Variants in OVCH2 observed in about 807,000 individuals in gnomAD.
OVCH2 encodes the protein ovochymase-2.
A neutral mutation model predicts 73.7 loss-of-function variants in OVCH2; 88 were observed. That is an observed-to-expected ratio of 1.19 (90% CI 1.01 to 1.43). The LOEUF (loss-of-function observed/expected upper bound fraction) is 1.43, where lower values mean the gene tolerates loss of function less well. Ranked by LOEUF, OVCH2 falls within the 40% of genes most tolerant of loss-of-function variation. The pLI, the probability that OVCH2 is intolerant of heterozygous loss-of-function variation, is 0.00. For missense variants in OVCH2, 706 were observed against 674.5 expected (o/e 1.05, Z -0.52); for synonymous variants, 265 against 234.5 (o/e 1.13, Z -1.19).
At chr11:7,691,203 G>T in intron 14 of OVCH2, 66 bp downstream of exon 14, 1 of 1,527,430 alleles carries the variant, frequency 6.5e-7, no homozygotes, top group South Asian at 1.2e-5. Context: ...GGGCTCTAAA[G>T]ACCTCTAATT....
chr11:7,704,644 AC>A lies in OVCH2; in HGVS notation c.118del (p.Val40TyrfsTer30). 1 of 1,612,536 alleles carries A rather than the reference AC, an allele frequency of 6.2e-7. No homozygotes were observed. Among genetic ancestry groups the A allele is most frequent in the Non-Finnish European group, 8.5e-7 (1 of 1,179,246 alleles). On this transcript the variant is annotated frameshift_variant, in exon 2 of 16. Coordinates refer to ENST00000533663, the MANE Select transcript of OVCH2 (RefSeq NM_198185.7). LOFTEE classifies it high-confidence loss of function. ...AATGTTAAAATAATTCCAAGGCTGT[AC>A]CTTAACCAGACTCTGCCCACAACTG... ...APSCGQSLVK[V>X]QPWNYFNIFS...
intron 3 of OVCH2, 105 bp from the exon 4 acceptor site, chr11:7,702,434 G>A (rs1856462132): frequency 1.2e-6 from 1 of 853,688 alleles, no homozygotes; most frequent in Non-Finnish European, 1.7e-6. Flanking sequence ...TAAATAATAT[G>A]GGGTGTGAGG....
chr11:7,684,704 G>A (rs1856124822), downstream of OVCH2, among the ~76,000 whole-genome samples: 1 of 152,114 alleles, frequency 6.6e-6, no homozygotes, highest in African/African-American at 2.4e-5. Context: ...GGCAGTCTCA[G>A]TTTTAGTCTA....
At chr11:7,698,687 A>T (rs1331449040) in intron 8 of OVCH2, 63 bp downstream of exon 8, 5 of 1,546,286 alleles carry the variant, frequency 3.2e-6, no homozygotes, top group Non-Finnish European at 4.4e-6. Context: ...TCAGGAACTG[A>T]TATTCAGAAA....
chr11:7,704,685 A>G lies in OVCH2; in HGVS notation c.89-11T>C. ...GCCCACAACTGGGAGCTGAGAAAAA[A>G]ACGAGACAAACTAAATGATTAGATA... is the stretch of plus-strand genomic sequence containing the variant. On this transcript the variant is annotated splice_polypyrimidine_tract_variant and intron_variant, in intron 1 of 15. Coordinates refer to ENST00000533663, the MANE Select transcript of OVCH2 (RefSeq NM_198185.7). 1 of 1,551,884 alleles carries G rather than the reference A, an allele frequency of 6.4e-7. No individual in the cohort carries two copies. Among genetic ancestry groups the G allele is most frequent in the Non-Finnish European group, 8.9e-7 (1 of 1,128,118 alleles).
Position 7,700,449 on chromosome 11 carries a change from T to A in OVCH2, c.748A>T (p.Lys250Ter). ...ACACCAGCCAGAGTCCAGGCCCCTT[T>A]CTTATTCCGGCACATGAGTGAACCT... ...SGGSLMCRNKKGAWTLAGVTS... is the reference protein window; with the variant it reads ...SGGSLMCRNK Residue 250 changes from lysine (K) to a stop codon, truncating the protein, a stop_gained, in exon 7 of 16, where the codon AAA becomes TAA. Coordinates refer to ENST00000533663, the MANE Select transcript of OVCH2 (RefSeq NM_198185.7). LOFTEE classifies it high-confidence loss of function. The A allele has an allele frequency of 6.2e-7, 1 of 1,610,626 alleles. No individual in the cohort carries two copies. Among genetic ancestry groups the A allele is most frequent in the South Asian group, 1.1e-5 (1 of 90,232 alleles).
chr11:7,699,526 C>G (rs1448437229), intron 7 of OVCH2: 1 of 152,176 alleles, frequency 6.6e-6, no homozygotes, highest in African/African-American at 2.4e-5. Context: ...AGTTGTTACA[C>G]TGTATTTTTA....
the OVCH2 span, among the ~76,000 whole-genome samples, chr11:7,682,825 A>C: frequency 6.6e-6 from 1 of 152,316 alleles, no homozygotes; most frequent in East Asian, 1.9e-4. Flanking sequence ...ACCCTTCCAC[A>C]TTCCTAGTTA....
chr11:7,694,620 T>TTG (rs1856288433), intron 12 of OVCH2, among the ~76,000 whole-genome samples: 1 of 23,550 alleles, frequency 4.2e-5, no homozygotes, highest in Non-Finnish European at 9.6e-5. Flanking sequence ...TTGTTTTGTT[T>TTG]TGTTTTGTTT....
rs199535243 is a variant in OVCH2, at chr11:7,704,553, C to A, written c.198+12G>T. 243 of 1,569,264 alleles carry A rather than the reference C, an allele frequency of 1.5e-4. No individual in the cohort carries two copies. In the Middle Eastern group the frequency reaches 2.7e-3, roughly 17 times the overall value. ...GCACAGTTCTTGATGCATAGAAGTCCTTGAGACTCACCTGCCAGGGATAGG... is the reference window on the plus strand; with the variant it reads ...GCACAGTTCTTGATGCATAGAAGTCATTGAGACTCACCTGCCAGGGATAGG... On this transcript the variant is annotated intron_variant, in intron 2 of 15. Coordinates refer to ENST00000533663, the MANE Select transcript of OVCH2 (RefSeq NM_198185.7).
At chr11:7,689,320 C>T (rs1372433221), downstream of OVCH2, 3 of 195,074 alleles carry the variant, frequency 1.5e-5, no homozygotes, top group Non-Finnish European at 3.2e-5. Flanking sequence ...CTATGATTTT[C>T]CCTTTCTGAG....
At chr11:7,681,125 G>A in the OVCH2 span, among the ~76,000 whole-genome samples, 1 of 152,266 alleles carries the variant, frequency 6.6e-6, no homozygotes, top group African/African-American at 2.4e-5. Flanking sequence ...AAAGAGGCTC[G>A]GAGGACTAGT....
At chr11:7,700,257 G>T in intron 7 of OVCH2, 39 bp downstream of exon 7, 1 of 1,597,206 alleles carries the variant, frequency 6.3e-7, no homozygotes, top group Non-Finnish European at 8.6e-7. Context: ...GGCCCTAGCA[G>T]AATGGCAGCT....
At chr11:7,680,542 A>G in the OVCH2 span, among the ~76,000 whole-genome samples, 1 of 152,214 alleles carries the variant, frequency 6.6e-6, no homozygotes, top group Non-Finnish European at 1.5e-5. Context: ...AGGCAGTGCC[A>G]TAACAGAAGC....
chr11:7,703,897 T>C, intron 2 of OVCH2, 108 bp from the exon 3 acceptor site: 4 of 872,456 alleles, frequency 4.6e-6, no homozygotes, highest in Non-Finnish European at 7.3e-6. Flanking sequence ...CACTCGTAAA[T>C]GTCAAGAATC....
chr11:7,697,071 C>T, intron 8 of OVCH2: 1 of 443,620 alleles, frequency 2.3e-6, no homozygotes. Context: ...GGGCCTCAAT[C>T]TCTCACCGAG....
chr11:7,694,641 G>C (rs1259163453), intron 12 of OVCH2, among the ~76,000 whole-genome samples: 1 of 142,042 alleles, frequency 7.0e-6, no homozygotes, highest in East Asian at 2.0e-4. Flanking sequence ...TGTGTTTTGA[G>C]AGTTTCGCTC....
downstream of OVCH2, among the ~76,000 whole-genome samples, chr11:7,687,913 C>A (rs1009740757): frequency 6.6e-6 from 1 of 152,068 alleles, no homozygotes; most frequent in Non-Finnish European, 1.5e-5. Context: ...AGAGAGGAAG[C>A]AAGCTCTTGT....
At chr11:7,693,928 A>G (rs1029299590) in intron 12 of OVCH2, among the ~76,000 whole-genome samples, 11 of 152,218 alleles carry the variant, frequency 7.2e-5, no homozygotes, top group Non-Finnish European at 1.3e-4. Flanking sequence ...GTTCTAACTT[A>G]GTGTGGTATC....
Sources: gnomAD v4.1 joint callset for allele counts (sites outside exome capture counted in the v4.1 genomes callset) on GRCh38, gnomAD v4.1.1 for gene constraint, MANE v1.5 for transcripts, NCBI Gene and HGNC (gene_info 2026-07-23, HGNC 2026-07-21) for gene names.